Variants in MYO3B observed in about 807,000 individuals in gnomAD.
MYO3B encodes the protein myosin IIIB, also known as myosin-IIIb.
In MYO3B, 156 loss-of-function variants were observed where a neutral mutation model predicts 174.6. That is an observed-to-expected ratio of 0.89 (90% CI 0.78 to 1.02). MYO3B has a LOEUF of 1.02. MYO3B is among the 50% of genes least tolerant of loss of function. The pLI, the probability that MYO3B is intolerant of heterozygous loss-of-function variation, is 0.00. For missense variants in MYO3B, 1,632 were observed against 1,639.4 expected (o/e 1.00, Z 0.08); for synonymous variants, 563 against 569.1 (o/e 0.99, Z 0.15).
At chr2:170,546,909 G>A (rs1015600908) in intron 32 of MYO3B, among the ~76,000 whole-genome samples, 1 of 152,152 alleles carries the variant, frequency 6.6e-6, no homozygotes, top group Admixed American at 6.5e-5. Context: ...GTCTGGTGAG[G>A]TGAGAGTGAG....
At chr2:170,299,061 C>T (rs1001884603) in intron 7 of MYO3B, among the ~76,000 whole-genome samples, 4 of 152,146 alleles carry the variant, frequency 2.6e-5, no homozygotes, top group Non-Finnish European at 5.9e-5. Flanking sequence ...GACAGAATTG[C>T]CTAATCATGC....
intron 7 of MYO3B, among the ~76,000 whole-genome samples, chr2:170,274,418 C>G (rs140645065): frequency 3.3e-5 from 5 of 152,082 alleles, no homozygotes. Flanking sequence ...TCAGTGCAAC[C>G]GGGAAAGCTT....
At chr2:170,403,691 C>T (rs1042360549) in intron 19 of MYO3B, among the ~76,000 whole-genome samples, 15 of 152,178 alleles carry the variant, frequency 9.9e-5, no homozygotes, top group African/African-American at 2.7e-4. Flanking sequence ...GGCATGAGGA[C>T]GCACAAACTC....
Position 170,277,087 on chromosome 2 carries a change from C to G in MYO3B, c.749+40951C>G, listed in dbSNP as rs769681640. Among the ~76,000 whole-genome samples, 3 of 152,086 alleles carry G rather than the reference C, an allele frequency of 2.0e-5. No individual in the cohort carries two copies. In the East Asian group the frequency reaches 5.8e-4, roughly 29 times the overall value. On this transcript the variant is annotated intron_variant, in intron 7 of 34. Transcript: ENST00000408978. ...GGTCAGTGCTGGGAACTGGTGTCAT[C>G]CAGAAGCAGGCATGCAGCACCTGGG...
intron 22 of MYO3B, among the ~76,000 whole-genome samples, chr2:170,438,554 CAG>C (rs1379759811): frequency 1.3e-5 from 2 of 152,284 alleles, no homozygotes; most frequent in Non-Finnish European, 1.5e-5. Context: ...CCCAATAGTG[CAG>C]AGAGTTCTAA....
intron 32 of MYO3B, among the ~76,000 whole-genome samples, chr2:170,626,639 G>C (rs1428415171): frequency 6.7e-6 from 1 of 150,130 alleles, no homozygotes; most frequent in African/African-American, 2.5e-5. Context: ...TTTCTTCCGA[G>C]GATAGATGGT....
At chr2:170,339,964 A>G (rs2093967504) in intron 8 of MYO3B, among the ~76,000 whole-genome samples, 1 of 152,092 alleles carries the variant, frequency 6.6e-6, no homozygotes, top group African/African-American at 2.4e-5. Flanking sequence ...CCTACGACTA[A>G]AGCTATTTGC....
At chr2:170,366,198 C>A (rs1368123925) in intron 8 of MYO3B, among the ~76,000 whole-genome samples, 1 of 152,154 alleles carries the variant, frequency 6.6e-6, no homozygotes, top group East Asian at 1.9e-4. Flanking sequence ...GAACTTGGTG[C>A]CATCCCTACT....
At chr2:170,209,732 A>G (rs1376313542) in intron 3 of MYO3B, among the ~76,000 whole-genome samples, 1 of 152,242 alleles carries the variant, frequency 6.6e-6, no homozygotes, top group African/African-American at 2.4e-5. Flanking sequence ...TTCTCAAAGA[A>G]GTCTGGTTTA....
chr2:170,540,623 C>T (rs2106197944), intron 30 of MYO3B, among the ~76,000 whole-genome samples: 1 of 149,912 alleles, frequency 6.7e-6, no homozygotes, highest in South Asian at 2.1e-4. Flanking sequence ...GATTGCAGAG[C>T]ATTATCCAGT....
At chr2:170,407,336 C>T (rs2105813553) in intron 21 of MYO3B, among the ~76,000 whole-genome samples, 1 of 152,148 alleles carries the variant, frequency 6.6e-6, no homozygotes, top group African/African-American at 2.4e-5. Flanking sequence ...TGACATGTAC[C>T]TGTGGTCCCA....
chr2:170,196,755 A>G (rs1350139348), intron 1 of MYO3B, among the ~76,000 whole-genome samples: 1 of 152,172 alleles, frequency 6.6e-6, no homozygotes, highest in Non-Finnish European at 1.5e-5. Context: ...GCCTTCAGTT[A>G]TTCCTGGGTT....
At chr2:170,261,737 A>G (rs937716135) in intron 7 of MYO3B, among the ~76,000 whole-genome samples, 14 of 152,214 alleles carry the variant, frequency 9.2e-5, no homozygotes, top group African/African-American at 2.4e-4. Context: ...GCATTGTTTC[A>G]TGCTATATAG....
chr2:170,408,813 A>T (rs1386205172), intron 22 of MYO3B, among the ~76,000 whole-genome samples: 1 of 151,460 alleles, frequency 6.6e-6, no homozygotes, highest in East Asian at 1.9e-4. Context: ...ACTTGGAAGG[A>T]AAGTTGAAAT....
intron 7 of MYO3B, among the ~76,000 whole-genome samples, chr2:170,303,383 A>G (rs927793445): frequency 6.6e-6 from 1 of 152,168 alleles, no homozygotes; most frequent in Non-Finnish European, 1.5e-5. Context: ...CATTTAAAAA[A>G]TCTCCATCCA....
At position 170,645,460 on chromosome 2, in the gene MYO3B, C is replaced by T. The variant is rs182028811; in HGVS notation, c.3734-6168C>T. On this transcript the variant is annotated intron_variant, in intron 32 of 34. Coordinates refer to ENST00000408978, the MANE Select transcript of MYO3B (RefSeq NM_138995.5). ...CTCCAGCCTGGGTGACAGAGCAAGGCTCCGTCTCAAAAAAAAAAAAAAAAA... is the reference window on the plus strand; with the variant it reads ...CTCCAGCCTGGGTGACAGAGCAAGGTTCCGTCTCAAAAAAAAAAAAAAAAA... 4.0e-3 allele frequency among the ~76,000 whole-genome samples: 544 copies of T among 137,444 alleles called. 2 individuals are homozygous for T. Among genetic ancestry groups the T allele is most frequent in the African/African-American group, 0.013 (496 of 36,834 alleles). The allele number at this position is 137,444 out of a possible 152,430, so 90.2% of individuals were successfully genotyped here.
At position 170,595,914 on chromosome 2, in the gene MYO3B, C is replaced by T. The variant is rs1172058546; in HGVS notation, c.3733+51926C>T. Among the ~76,000 whole-genome samples, 3 of 152,302 alleles carry T rather than the reference C, an allele frequency of 2.0e-5. No individual in the cohort carries two copies. The South Asian group carries it at 6.2e-4, about 32-fold the overall frequency. ...GGTTGCGGTTGCTAAGGAATCCACC[C>T]TCCCAAATGTAGTTGCATCTTAGTG... On this transcript the variant is annotated intron_variant, in intron 32 of 34. Transcript: ENST00000408978.
chr2:170,351,510 G>T (rs1457161166), intron 8 of MYO3B, among the ~76,000 whole-genome samples: 1 of 152,028 alleles, frequency 6.6e-6, no homozygotes, highest in Non-Finnish European at 1.5e-5. Flanking sequence ...TCTTCCATAT[G>T]CCCAATAAGA....
intron 30 of MYO3B, among the ~76,000 whole-genome samples, chr2:170,527,344 A>T (rs1689068254): frequency 6.6e-6 from 1 of 152,202 alleles, no homozygotes. Context: ...AGGTCAAAAG[A>T]TGTAAACCCA....
Sources: allele counts gnomAD v4.1 joint callset (sites outside exome capture counted in the v4.1 genomes callset), GRCh38; gene constraint gnomAD v4.1.1; transcripts MANE v1.5; gene names NCBI Gene and HGNC (gene_info 2026-07-23, HGNC 2026-07-21).